The following USP37 variants were observed in gnomAD, a reference collection of about 807,000 sequenced individuals.
The protein encoded by USP37 is ubiquitin carboxyl-terminal hydrolase 37.
A neutral mutation model predicts 124.0 loss-of-function variants in USP37; 27 were observed. The ratio of observed to expected loss-of-function variants is 0.22; its 90% confidence interval spans 0.16 to 0.30. The LOEUF (loss-of-function observed/expected upper bound fraction) is 0.30, where lower values mean the gene tolerates loss of function less well. Among genes scored for constraint, USP37 ranks in the 10% least tolerant of loss-of-function variants. The pLI is 1.00. For synonymous variants in USP37, 365 were observed against 388.0 expected, an observed-to-expected ratio of 0.94 and a Z score of 0.70; for missense variants, 889 against 1,140.4, an observed-to-expected ratio of 0.78 and a Z score of 3.17.
chr2:218,514,866 G>A (rs945487584), intron 10 of USP37, among the ~76,000 whole-genome samples: 5 of 152,092 alleles, frequency 3.3e-5, no homozygotes, highest in African/African-American at 9.7e-5. Context: ...ATTCATTTCA[G>A]TATGGACTCA....
At chr2:218,494,875 A>G (rs1688986865) in intron 14 of USP37, among the ~76,000 whole-genome samples, 1 of 152,208 alleles carries the variant, frequency 6.6e-6, no homozygotes, top group Admixed American at 6.5e-5. Context: ...CAAAAGGTAA[A>G]AATAATTCAA....
chr2:218,522,589 CT>C (rs67852687), intron 10 of USP37, among the ~76,000 whole-genome samples: 5,775 of 140,284 alleles, frequency 0.041, 148 homozygotes, highest in East Asian at 0.12. Context: ...AGTTTAGATT[CT>C]TTTTTTTTTG....
At chr2:218,545,331 G>T (rs1023848402) in intron 8 of USP37, among the ~76,000 whole-genome samples, 7 of 152,144 alleles carry the variant, frequency 4.6e-5, no homozygotes, top group Admixed American at 4.6e-4. Context: ...CCCTCCCTTT[G>T]CTCTCTTCAA....
chr2:218,465,939 C>T, intron 21 of USP37, 71 bp downstream of exon 21: 2 of 1,528,306 alleles, frequency 1.3e-6, no homozygotes. Context: ...GTGCTCAACA[C>T]ATTAGTTATT....
chr2:218,508,781 A>C (rs994373461), intron 11 of USP37, among the ~76,000 whole-genome samples: 3 of 152,134 alleles, frequency 2.0e-5, no homozygotes, highest in Non-Finnish European at 2.9e-5. Flanking sequence ...AGGAGAGTGA[A>C]TTGTTTTCAC....
chr2:218,508,191 T>C (rs1446048291), intron 11 of USP37, among the ~76,000 whole-genome samples: 2 of 152,196 alleles, frequency 1.3e-5, no homozygotes, highest in African/African-American at 2.4e-5. Context: ...TCTTATGGTT[T>C]TTTTTGGAGG....
rs746014489 is a variant in USP37 at position 218,488,322 on chromosome 2, A to G, written c.1572T>C (p.Ser524=). 1 of 1,603,812 alleles carries G rather than the reference A, an allele frequency of 6.2e-7. No individual in the cohort carries two copies. Among genetic ancestry groups the G allele is most frequent in the Non-Finnish European group, 8.5e-7 (1 of 1,173,952 alleles). Residue 524 remains serine, a synonymous_variant, in exon 15 of 26, where the codon TCT becomes TCC. Transcript: ENST00000258399. Reference sequence around the variant, plus strand: ...TATTTACCCTAAAGAAAAGATCAAGAGAATCTTGAATTGAACGAGGAGGGA... The same window carrying G: ...TATTTACCCTAAAGAAAAGATCAAGGGAATCTTGAATTGAACGAGGAGGGA... The part of the protein sequence containing the change: ...KPLPPRSIQD[S]LDLFFRAEEL...
At chr2:218,473,130 C>T (rs911581967) in intron 20 of USP37, 1 of 152,188 alleles carries the variant, frequency 6.6e-6, no homozygotes, top group Non-Finnish European at 1.5e-5. Context: ...TGTCTCCTTT[C>T]AGGCTATAAA....
At chr2:218,506,353 C>A (rs769679239) in intron 11 of USP37, among the ~76,000 whole-genome samples, 14 of 124,298 alleles carry the variant, frequency 1.1e-4, no homozygotes, top group Non-Finnish European at 2.2e-4. Context: ...TGCAGTGGTG[C>A]GATCTCAGCT....
At position 218,545,510 on chromosome 2, in the gene USP37, C is replaced by T. The variant is rs79366125; in HGVS notation, c.680+711G>A. Among the ~76,000 whole-genome samples, 888 of 152,280 alleles carry T rather than the reference C, an allele frequency of 5.8e-3. 9 individuals are homozygous for T. Among genetic ancestry groups the T allele is most frequent in the African/African-American group, 0.02 (828 of 41,532 alleles). On this transcript the variant is annotated intron_variant, in intron 8 of 25. Transcript: ENST00000258399. ...CTACCACCTATTCAGACTTTTACAT[C>T]TATTACAGCAGCAAATCAATTAATA...
chr2:218,504,380 T>G (rs963249011), intron 11 of USP37, among the ~76,000 whole-genome samples: 7 of 152,252 alleles, frequency 4.6e-5, no homozygotes, highest in African/African-American at 1.7e-4. Context: ...TTTATATTGC[T>G]GTTAACCCCT....
Position 218,558,803 on chromosome 2 carries a change from T to C in USP37, c.-24-126A>G, listed in dbSNP as rs1271165658. On this transcript the variant is annotated intron_variant, in intron 3 of 25. Coordinates refer to ENST00000258399, the MANE Select transcript of USP37 (RefSeq NM_020935.3). ...ATTTCTTCTGCGCCTTCATTTTCCC[T>C]TCTTTGCCATGTGTCCAGTACTGTA... The C allele has an allele frequency of 4.4e-6, 3 of 683,602 alleles. No individual in the cohort carries two copies. In the East Asian group the frequency reaches 8.1e-5, roughly 18 times the overall value. 42.3% of individuals were successfully genotyped at this position (683,602 alleles called of 1,614,324 possible). A position where few individuals can be genotyped will look rare whatever the true frequency, so the allele number is the denominator to read the frequency against.
intron 8 of USP37, among the ~76,000 whole-genome samples, chr2:218,544,410 T>A (rs1266879198): frequency 0.013 from 992 of 73,690 alleles, 9 homozygotes; most frequent in African/African-American, 0.034. Context: ...AAAAAAAATA[T>A]ATATATATAT....
intron 11 of USP37, among the ~76,000 whole-genome samples, chr2:218,504,638 T>C (rs946507107): frequency 6.6e-6 from 1 of 152,208 alleles, no homozygotes; most frequent in Non-Finnish European, 1.5e-5. Context: ...TCTTGCTATG[T>C]GGCCCAGGCT....
intron 10 of USP37, among the ~76,000 whole-genome samples, chr2:218,521,927 T>G (rs1690671104): frequency 1.3e-5 from 2 of 152,098 alleles, no homozygotes; most frequent in Non-Finnish European, 2.9e-5. Flanking sequence ...CAGGCTGGAG[T>G]GCAGTGGCGT....
At chr2:218,485,279 C>T (rs927922160) in intron 16 of USP37, among the ~76,000 whole-genome samples, 2 of 152,048 alleles carry the variant, frequency 1.3e-5, no homozygotes, top group Admixed American at 6.6e-5. Context: ...CCCTTTTTCT[C>T]TTCAATATTT....
intron 4 of USP37, among the ~76,000 whole-genome samples, chr2:218,557,494 G>A (rs1478779205): frequency 2.0e-5 from 3 of 151,434 alleles, no homozygotes; most frequent in Non-Finnish European, 2.9e-5. Flanking sequence ...CGAAATCATA[G>A]GCAATCTATT....
In USP37 at chr2:218,534,667, T is replaced by G; in HGVS notation, c.720A>C (p.Leu240Phe). 1 of 1,610,388 alleles carries G rather than the reference T, an allele frequency of 6.2e-7. No homozygotes were observed. The highest frequency in any genetic ancestry group is 1.3e-5 in the African/African-American group (1 of 74,972). The change falls in exon 9 of 26, where the codon TTA becomes TTC. Residue 240 changes from leucine (L) to phenylalanine (F), a missense_variant. Physicochemically the swap from Leu to Phe is conservative, Grantham distance 22. Around this residue, in one of 3 missense-constraint regions of USP37, gnomAD observed 374 missense variants for 386.0 expected, o/e 0.97. Transcript: ENST00000258399. Reference sequence around the variant, plus strand: ...TCAGCTGCTTTTCTCTACTGCTGGTTAAATACTTTCTGGAGGGATCTGTCA... The same window carrying G: ...TCAGCTGCTTTTCTCTACTGCTGGTGAAATACTTTCTGGAGGGATCTGTCA... ...KAMTDPSRKY[L>F]TSSREKQLSL...
At chr2:218,473,560 G>A (rs1037810617) in intron 20 of USP37, among the ~76,000 whole-genome samples, 1 of 152,066 alleles carries the variant, frequency 6.6e-6, no homozygotes, top group Admixed American at 6.6e-5. Flanking sequence ...TCCTATGGCT[G>A]GTGTACCTGA....
Sources: gnomAD v4.1 joint callset for allele counts (sites outside exome capture counted in the v4.1 genomes callset) on GRCh38, gnomAD v4.1.1 for gene constraint, gnomAD v4.1.1 regional missense constraint, MANE v1.5 for transcripts, NCBI Gene and HGNC (gene_info 2026-07-23, HGNC 2026-07-21) for gene names.